Variants in CFAP70 observed in about 807,000 individuals in gnomAD.
The protein encoded by CFAP70 is cilia- and flagella-associated protein 70.
CFAP70 carries 81 observed loss-of-function variants against 137.6 expected under a neutral mutation model. The observed-to-expected ratio is 0.59, with a 90% confidence interval of 0.49 to 0.71. The LOEUF is 0.71. Ranked by LOEUF, CFAP70 falls within the 30% of genes least tolerant of loss-of-function variation. The pLI, the probability that CFAP70 is intolerant of heterozygous loss-of-function variation, is 0.00. For synonymous variants in CFAP70, 382 were observed against 423.6 expected (o/e 0.90, Z 1.20); for missense variants, 976 against 1,226.7 (o/e 0.80, Z 3.05).
intron 24 of CFAP70, 62 bp downstream of exon 25, chr10:73,272,866 A>C: frequency 7.1e-7 from 1 of 1,405,946 alleles, no homozygotes; most frequent in Non-Finnish European, 9.9e-7. Context: ...GGATGCTTGG[A>C]AGGCCAAGGA....
chr10:73,312,929 C>A (rs981227571), intron 9 of CFAP70, among the ~76,000 whole-genome samples: 1 of 152,158 alleles, frequency 6.6e-6, no homozygotes, highest in East Asian at 1.9e-4. Flanking sequence ...TGCTTTTAAT[C>A]TTTGACACAG....
intron 8 of CFAP70, among the ~76,000 whole-genome samples, chr10:73,328,230 C>A (rs1170700475): frequency 6.6e-6 from 1 of 152,012 alleles, no homozygotes; most frequent in Non-Finnish European, 1.5e-5. Flanking sequence ...GAAAAACAAG[C>A]AATGGGGAAA....
intron 3 of CFAP70, among the ~76,000 whole-genome samples, chr10:73,350,823 C>T (rs1410537839): frequency 3.3e-5 from 5 of 151,708 alleles, no homozygotes; most frequent in East Asian, 3.9e-4. Context: ...GGCAGTGGTG[C>T]GCTCTCAGCT....
chr10:73,343,607 G>A (rs1294047247), intron 5 of CFAP70, among the ~76,000 whole-genome samples: 2 of 152,092 alleles, frequency 1.3e-5, no homozygotes, highest in Non-Finnish European at 2.9e-5. Flanking sequence ...TACTCAGGAG[G>A]CTGAGTCAGG....
At chr10:73,341,501 C>A in exon 6 of CFAP70, 1 of 1,614,168 alleles carries the variant, frequency 6.2e-7, no homozygotes, top group Middle Eastern at 1.6e-4. Flanking sequence ...TGGCAATTGG[C>A]CACTTTTTGG....
chr10:73,282,075 C>T (rs916559635), intron 19 of CFAP70, among the ~76,000 whole-genome samples: 3 of 152,038 alleles, frequency 2.0e-5, no homozygotes, highest in African/African-American at 7.3e-5. Flanking sequence ...GCCAAATAAG[C>T]TCATGGATCA....
In CFAP70 at chr10:73,284,639, C is replaced by T. The variant is rs567502373; in HGVS notation, c.2240-6302G>A. The stretch of plus-strand genomic sequence containing the variant: ...TTTTTAGTATCCCATTTTGACTTAT[C>T]TATAGTGTATTAGAGTATATGTAAT... On this transcript the variant is annotated intron_variant, in intron 19 of 26. Coordinates refer to ENST00000310715, the Ensembl canonical transcript of CFAP70. 8.1e-4 allele frequency among the ~76,000 whole-genome samples: 116 copies of T among 143,278 alleles called. No individual in the cohort carries two copies. In the South Asian group the frequency reaches 0.011, roughly 14 times the overall value. 94.0% of individuals were successfully genotyped at this position (143,278 alleles called of 152,430 possible). A position where few individuals can be genotyped will look rare whatever the true frequency, so the allele number is the denominator to read the frequency against.
chr10:73,328,722 AAAAAACACATG>A (rs2051741542), intron 8 of CFAP70, among the ~76,000 whole-genome samples: 1 of 148,864 alleles, frequency 6.7e-6, no homozygotes, highest in Non-Finnish European at 1.5e-5. Flanking sequence ...TTATGCAGCC[AAAAAACACATG>A]AAAAAATGCT....
In CFAP70 at chr10:73,257,311, A is replaced by G. The variant is rs539478541; in HGVS notation, c.3028-895T>C. Among the ~76,000 whole-genome samples the G allele has an allele frequency of 2.0e-5, 3 of 152,350 alleles. No individual in the cohort carries two copies. The South Asian group carries it at 6.2e-4, about 32-fold the overall frequency. Reference sequence around the variant, plus strand: ...TCTGTCTCTAGGAATTAGAAAAAGTAGGTATCAGAATTACTTCTATGAAGA... The same window carrying G: ...TCTGTCTCTAGGAATTAGAAAAAGTGGGTATCAGAATTACTTCTATGAAGA... On this transcript the variant is annotated intron_variant, in intron 25 of 26. Transcript: ENST00000310715.
intron 8 of CFAP70, among the ~76,000 whole-genome samples, chr10:73,326,302 C>G (rs2051414913): frequency 6.7e-6 from 1 of 148,904 alleles, no homozygotes; most frequent in Non-Finnish European, 1.5e-5. Flanking sequence ...AACAAAGACA[C>G]AACATACCAG....
intron 9 of CFAP70, among the ~76,000 whole-genome samples, chr10:73,315,725 C>G (rs2050286668): frequency 6.6e-6 from 1 of 152,044 alleles, no homozygotes; most frequent in South Asian, 2.1e-4. Flanking sequence ...AACAACACAC[C>G]CAGACAACTT....
chr10:73,286,360 C>T (rs1210665331), intron 19 of CFAP70, among the ~76,000 whole-genome samples: 2 of 152,060 alleles, frequency 1.3e-5, no homozygotes, highest in African/African-American at 4.8e-5. Flanking sequence ...AGGAGAATGG[C>T]GTGAACCCGG....
At chr10:73,310,383 C>A in intron 11 of CFAP70, 134 bp from the exon 13 acceptor site, 1 of 479,866 alleles carries the variant, frequency 2.1e-6, no homozygotes, top group African/African-American at 2.0e-5. Context: ...GTGATCTCAA[C>A]TGTTAAAATA....
intron 7 of CFAP70, among the ~76,000 whole-genome samples, chr10:73,332,251 G>C (rs535648106): frequency 8.9e-4 from 136 of 152,272 alleles, no homozygotes; most frequent in Non-Finnish European, 1.6e-3. Flanking sequence ...CCACTGTTAA[G>C]GGTCCCCACA....
intron 24 of CFAP70, among the ~76,000 whole-genome samples, chr10:73,270,484 CTTTT>C (rs2046184193): frequency 2.8e-5 from 1 of 35,892 alleles, no homozygotes; most frequent in Non-Finnish European, 5.8e-5. Context: ...TTTTCTTTTC[CTTTT>C]CTTTTCCTTC....
downstream of CFAP70, chr10:73,253,774 T>G: frequency 2.1e-6 from 1 of 472,326 alleles, no homozygotes; most frequent in Non-Finnish European, 3.8e-6. Context: ...TTGAGTTTCA[T>G]ATCTCCATTT....
At chr10:73,362,151 G>T (rs1343236744), upstream of CFAP70, among the ~76,000 whole-genome samples, 3 of 152,170 alleles carry the variant, frequency 2.0e-5, no homozygotes, top group Non-Finnish European at 4.4e-5. Flanking sequence ...GGATGTGGGA[G>T]GGAGGGGGTA....
intron 8 of CFAP70, 52 bp from the exon 10 acceptor site, chr10:73,323,149 G>A (rs1374252872): frequency 2.7e-6 from 4 of 1,491,186 alleles, no homozygotes; most frequent in African/African-American, 1.4e-5. Context: ...TGTAATATAA[G>A]GTATGGAGCT....
intron 20 of CFAP70, among the ~76,000 whole-genome samples, chr10:73,277,645 A>G (rs12269089): frequency 0.15 from 23,208 of 151,808 alleles, 2,897 homozygotes; most frequent in African/African-American, 0.32. Flanking sequence ...CCAAGGAGTC[A>G]GAGGTTGCAG....
Sources: allele counts gnomAD v4.1 joint callset (sites outside exome capture counted in the v4.1 genomes callset), GRCh38; gene constraint gnomAD v4.1.1; transcripts MANE v1.5; gene names NCBI Gene and HGNC (gene_info 2026-07-23, HGNC 2026-07-21).